Variants in PRRC2A observed in about 807,000 individuals in gnomAD.
PRRC2A encodes the protein protein PRRC2A.
Under a neutral mutation model 224.6 loss-of-function variants are expected in PRRC2A, and 59 were observed. The observed-to-expected ratio is 0.26, with a 90% CI of 0.21 to 0.33. PRRC2A has a LOEUF of 0.33. Ranked by LOEUF, PRRC2A falls within the 10% of genes least tolerant of loss-of-function variation. The pLI, the probability that PRRC2A is intolerant of heterozygous loss-of-function variation, is 1.00. For missense variants in PRRC2A, 3,095 were observed against 2,880.7 expected, an observed-to-expected ratio of 1.07 and a Z score of -1.70; for synonymous variants, 1,194 against 1,109.5, an observed-to-expected ratio of 1.08 and a Z score of -1.51.
chr6:31,634,641 G>A lies in PRRC2A; in HGVS notation c.4935+84G>A, dbSNP rs1777099515. 64 of 1,580,610 alleles carry A rather than the reference G, an allele frequency of 4.0e-5. No individual in the cohort carries two copies. In the South Asian group the frequency reaches 6.9e-4, roughly 17 times the overall value. ...CCCCACCTGCTCTGGGTTGAGTCTG[G>A]AGCTGTTCTCTCACTTGGCTGTCCC... On this transcript the variant is annotated intron_variant, in intron 20 of 30. Transcript: ENST00000376033.
intron 24 of PRRC2A, 100 bp from the exon 25 acceptor site, chr6:31,635,867 A>G: frequency 1.4e-6 from 2 of 1,448,572 alleles, no homozygotes; most frequent in South Asian, 2.7e-5. Context: ...ACTTTGTCAC[A>G]TCATTTTTCT....
Position 31,623,865 on chromosome 6 carries a change from C to A in PRRC2A, c.246C>A (p.Asp82Glu). Reference sequence around the variant, plus strand: ...CCAATGTCTCACTAGTGCCAAAAGACGGAACAGGATGGGCAAGCAAACAGG... The same window carrying A: ...CCAATGTCTCACTAGTGCCAAAAGAAGGAACAGGATGGGCAAGCAAACAGG... Reference protein sequence around the residue: ...NDPNVSLVPKDGTGWASKQEQ... With the variant: ...NDPNVSLVPKEGTGWASKQEQ... The change falls in exon 3 of 31, where the codon GAC (aspartate) becomes GAA (glutamate). Residue 82 changes from aspartate (D) to glutamate (E), a missense_variant. Physicochemically the swap from Asp to Glu is conservative, Grantham distance 45. This residue lies in a region of PRRC2A where 52 missense variants were observed against 77.9 expected (regional missense o/e 0.67). Coordinates refer to ENST00000376033, the MANE Select transcript of PRRC2A (RefSeq NM_004638.4). 6.2e-7 allele frequency: 1 copy of A among 1,614,140 alleles called. No homozygotes were observed. Among genetic ancestry groups the A allele is most frequent in the East Asian group, 2.2e-5 (1 of 44,878 alleles).
intron 16 of PRRC2A, 108 bp downstream of exon 16, chr6:31,633,100 A>T (rs917199173): frequency 7.4e-6 from 10 of 1,358,428 alleles, no homozygotes; most frequent in Admixed American, 5.7e-5. Context: ...CTGAGGGGCC[A>T]TGGGCTCTAG....
Position 31,634,845 on chromosome 6 carries a change from C to T in PRRC2A, c.5028C>T (p.Leu1676=), listed in dbSNP as rs756461130. ...AGCGAAGTTCCCCTGATGGAGGACT[C>T]AAGGGGGCAGCAGAGGGACCCCCCA... ...CSQRSSPDGG[L]KGAAEGPPKR... Residue 1676 remains leucine (L), a synonymous_variant, in exon 21 of 31, where the codon CTC becomes CTT. Transcript: ENST00000376033. 1 of 1,613,024 alleles carries T rather than the reference C, an allele frequency of 6.2e-7. No individual in the cohort carries two copies. Among genetic ancestry groups the T allele is most frequent in the African/African-American group, 1.3e-5 (1 of 75,028 alleles).
At position 31,625,667 on chromosome 6, in the gene PRRC2A, A is replaced by G. The variant is rs1775825258; in HGVS notation, c.759+56A>G. 6.2e-6 allele frequency: 10 copies of G among 1,604,378 alleles called. No individual in the cohort carries two copies. In the South Asian group the frequency reaches 7.7e-5, roughly 12 times the overall value. On this transcript the variant is annotated intron_variant, in intron 7 of 30. Transcript: ENST00000376033. This position sits in a 1 kb window ranked among gnomAD's most constrained non-coding sequence, Gnocchi z 4.1. ...TACACTGGAAGCTGGAGAGCTAGGA[A>G]TCAGGACTTAGTCTTTGACCTATGA...
At chr6:31,624,656 G>T (rs1205209330) in intron 5 of PRRC2A, 134 bp downstream of exon 5, 2 of 982,722 alleles carry the variant, frequency 2.0e-6, no homozygotes, top group African/African-American at 3.2e-5. Context: ...TTTCATGGAG[G>T]CACATGAGCA....
chr6:31,625,412 C>T lies in PRRC2A; in HGVS notation c.608-48C>T, dbSNP rs747120074. On this transcript the variant is annotated intron_variant, in intron 6 of 30. Transcript: ENST00000376033. The surrounding 1 kb of genome is among the most constrained non-coding windows in gnomAD (Gnocchi z 4.1). ...TCCCCATCACTTTCAGCTGTGTTCA[C>T]TTGTCCTCCAATCATTGATACCTCT... The T allele has an allele frequency of 6.2e-7, 1 of 1,610,132 alleles. No homozygotes were observed. Among genetic ancestry groups the T allele is most frequent in the South Asian group, 1.1e-5 (1 of 90,992 alleles).
Position 31,632,784 on chromosome 6 carries a change from G to A in PRRC2A, c.4111G>A (p.Gly1371Arg), listed in dbSNP as rs1434687282. 6.8e-6 allele frequency: 11 copies of A among 1,612,984 alleles called. No individual in the cohort carries two copies. The African/African-American group carries it at 1.3e-4, about 20-fold the overall frequency. Residue 1371 changes from glycine (G) to arginine (R), a missense_variant, in exon 16 of 31, where the codon GGA becomes AGA. By Grantham distance (125) the Gly-to-Arg change is moderately radical. This residue lies in a region of PRRC2A where 2,001 missense variants were observed against 1,764.9 expected (regional missense o/e 1.13). Transcript: ENST00000376033. ...ACCAGGTATTTCAGCCATGTCCCGC[G>A]GAGATCTGAGCCAGAGAGCCAAGGA... ...AVPGISAMSR[G>R]DLSQRAKDLS...
Position 31,627,671 on chromosome 6 carries a change from C to G in PRRC2A, c.1291-94C>G. Reference sequence around the variant, plus strand: ...AACCCCAAAGCCTGGGTCGTTGCATCCTGCAAGTAGCGACAGTTGATTTGT... The same window carrying G: ...AACCCCAAAGCCTGGGTCGTTGCATGCTGCAAGTAGCGACAGTTGATTTGT... On this transcript the variant is annotated intron_variant, in intron 11 of 30. Transcript: ENST00000376033. The surrounding 1 kb of genome is among the most constrained non-coding windows in gnomAD (Gnocchi z 5.6). The G allele has an allele frequency of 6.8e-7, 1 of 1,476,594 alleles. No homozygotes were observed. Among genetic ancestry groups the G allele is most frequent in the Non-Finnish European group, 9.1e-7 (1 of 1,102,114 alleles). 91.5% of individuals were successfully genotyped at this position (1,476,594 alleles called of 1,614,324 possible). A position where few individuals can be genotyped will look rare whatever the true frequency, so the allele number is the denominator to read the frequency against.
At position 31,633,391 on chromosome 6, in the gene PRRC2A, G is replaced by T. The variant is rs773236187; in HGVS notation, c.4332G>T (p.Glu1444Asp). Residue 1444 changes from glutamate to aspartate, a missense_variant, in exon 17 of 31, where the codon GAG (glutamate) becomes GAT (aspartate). Glu to Asp is a conservative substitution (Grantham distance 45, BLOSUM62 2). Coordinates refer to ENST00000376033, the MANE Select transcript of PRRC2A (RefSeq NM_004638.4). ...PSPKNRSRPPEERPPGLPLPP... is the reference protein window; with the variant it reads ...PSPKNRSRPPDERPPGLPLPP... ...CTGTTTTCTCCAGTCGTCCTCCAGA[G>T]GAGCGTCCCCCGGGGCTTCCCCTGC... 1.1e-5 allele frequency: 18 copies of T among 1,612,588 alleles called. No individual in the cohort carries two copies. The highest frequency in any genetic ancestry group is 1.4e-5 in the Non-Finnish European group (17 of 1,179,800).
intron 1 of PRRC2A, among the ~76,000 whole-genome samples, chr6:31,621,785 TG>T (rs1472531395): frequency 1.3e-5 from 2 of 152,204 alleles, no homozygotes; most frequent in Non-Finnish European, 2.9e-5. Context: ...AACGAATGCC[TG>T]GTCACTCTGG....
rs1440924817 is a variant in PRRC2A at position 31,635,485 on chromosome 6, T to A, written c.5373+20T>A. On this transcript the variant is annotated intron_variant, in intron 23 of 30. Transcript: ENST00000376033. ...ACTGAGGTAAGTGGGAGTAAGAGTT[T>A]GGTGGAAAGGCCCAAGATTTCTGGG... 1 of 1,613,502 alleles carries A rather than the reference T, an allele frequency of 6.2e-7. No homozygotes were observed. The highest frequency in any genetic ancestry group is 2.2e-5 in the East Asian group (1 of 44,884).
intron 16 of PRRC2A, 61 bp from the exon 17 acceptor site, chr6:31,633,316 CAT>C (rs1382530082): frequency 2.6e-6 from 4 of 1,563,262 alleles, no homozygotes; most frequent in South Asian, 1.2e-5. Context: ...AGTTGGGAAA[CAT>C]AACTTGTGGG....
chr6:31,621,486 C>G lies in PRRC2A; in HGVS notation c.-101+628C>G, dbSNP rs565278372. Among the ~76,000 whole-genome samples the G allele has an allele frequency of 1.5e-4, 22 of 151,424 alleles. No individual in the cohort carries two copies. In the South Asian group the frequency reaches 3.1e-3, roughly 21 times the overall value. On this transcript the variant is annotated intron_variant, in intron 1 of 30. Coordinates refer to ENST00000376033, the MANE Select transcript of PRRC2A (RefSeq NM_004638.4). The stretch of plus-strand genomic sequence containing the variant: ...TGCCCCCTTACTTCGTTGTCTACAT[C>G]CTTTTTTTTTTTGCCATTCCTGTTT...
Position 31,632,202 on chromosome 6 carries a change from C to A in PRRC2A, c.3529C>A (p.Pro1177Thr). The A allele has an allele frequency of 6.2e-7, 1 of 1,606,352 alleles. No individual in the cohort carries two copies. Among genetic ancestry groups the A allele is most frequent in the South Asian group, 1.1e-5 (1 of 90,674 alleles). ...TCGCCGGGGCCGAGGAGGAGGGAGGCCCCCTCCTCAAGTTTGCCCAGGCTG... is the reference window on the plus strand; with the variant it reads ...TCGCCGGGGCCGAGGAGGAGGGAGGACCCCTCCTCAAGTTTGCCCAGGCTG... ...PSRRGRGGGR[P>T]PPQVCPGWSP... Residue 1177 changes from proline (P) to threonine (T), a missense_variant, in exon 16 of 31, where the codon CCC becomes ACC. Physicochemically the swap from Pro to Thr is conservative, Grantham distance 38 (BLOSUM62 -1). Around this residue, in one of 8 missense-constraint regions of PRRC2A, gnomAD observed 2,001 missense variants for 1,764.9 expected, o/e 1.13. Transcript: ENST00000376033.
rs1451593832 is a variant in PRRC2A, at chr6:31,624,469, G to A, written c.410G>A (p.Ser137Asn). 4 of 1,613,764 alleles carry A rather than the reference G, an allele frequency of 2.5e-6. No individual in the cohort carries two copies. The East Asian group carries it at 8.9e-5, about 36-fold the overall frequency. ...AAPENTPLVP[S>N]GVKSWAQASV... ...CCCCAGAACACTCCTTTGGTTCCAA[G>A]CGGGGTAAAGTCCTGGGCACAAGCC... Residue 137 changes from serine to asparagine, a missense_variant, in exon 5 of 31, where the codon AGC (serine) becomes AAC (asparagine). Ser to Asn is a conservative substitution (Grantham distance 46). Around this residue, in one of 8 missense-constraint regions of PRRC2A, gnomAD observed 287 missense variants for 275.3 expected, o/e 1.04. Transcript: ENST00000376033.
rs773820452 is a variant in PRRC2A, at chr6:31,632,463, C to T, written c.3790C>T (p.Arg1264Trp). Residue 1264 changes from arginine to tryptophan, a missense_variant, in exon 16 of 31, where the codon CGG (arginine) becomes TGG (tryptophan). Physicochemically the swap from Arg to Trp is moderately radical, Grantham distance 101. This residue lies in a region of PRRC2A where 2,001 missense variants were observed against 1,764.9 expected (regional missense o/e 1.13). Coordinates refer to ENST00000376033, the MANE Select transcript of PRRC2A (RefSeq NM_004638.4). Reference sequence around the variant, plus strand: ...TCGTTTCCGGAGGCTGAAGCAGGAACGGGAGAATGCCGCAAGGGGGTCTGA... The same window carrying T: ...TCGTTTCCGGAGGCTGAAGCAGGAATGGGAGAATGCCGCAAGGGGGTCTGA... ...PPRFRRLKQE[R>W]ENAARGSEGK... 34 of 1,605,984 alleles carry T rather than the reference C, an allele frequency of 2.1e-5. No individual in the cohort carries two copies. The highest frequency in any genetic ancestry group is 4.5e-5 in the East Asian group (2 of 44,752).
intron 21 of PRRC2A, 49 bp from the exon 22 acceptor site, chr6:31,635,082 TG>T: frequency 6.2e-7 from 1 of 1,602,638 alleles, no homozygotes; most frequent in Non-Finnish European, 8.5e-7. Context: ...CATTCCAATT[TG>T]GATTTCCCTT....
In PRRC2A at chr6:31,628,018, C is replaced by T. The variant is rs9469031; in HGVS notation, c.1544C>T (p.Pro515Leu). 4.7e-3 allele frequency: 7,632 copies of T among 1,612,392 alleles called. 43 individuals carry two copies. The highest frequency in any genetic ancestry group is 0.015 in the East Asian group (684 of 44,852). The change falls in exon 12 of 31, where the codon CCT (proline) becomes CTT (leucine). Residue 515 changes from proline to leucine, a missense_variant. Pro to Leu is a moderately conservative substitution (Grantham distance 98). Around this residue, in one of 8 missense-constraint regions of PRRC2A, gnomAD observed 2,001 missense variants for 1,764.9 expected, o/e 1.13. Coordinates refer to ENST00000376033, the MANE Select transcript of PRRC2A (RefSeq NM_004638.4). Reference sequence around the variant, plus strand: ...GAGCCTGCTGCCCCACCTGCTGCCCCTTCTACCCCAGCTCCACCACCTGCA... The same window carrying T: ...GAGCCTGCTGCCCCACCTGCTGCCCTTTCTACCCCAGCTCCACCACCTGCA... The part of the protein sequence containing the change: ...KAEPAAPPAA[P>L]STPAPPPAVP...
Sources: allele counts gnomAD v4.1 joint callset (sites outside exome capture counted in the v4.1 genomes callset), GRCh38; gene constraint gnomAD v4.1.1; regional missense constraint gnomAD v4.1.1; non-coding constraint Gnocchi (gnomAD v3.1); transcripts MANE v1.5; gene names NCBI Gene and HGNC (gene_info 2026-07-23, HGNC 2026-07-21).